The following CPNE5 variants were observed in gnomAD, a reference collection of about 807,000 sequenced individuals.
CPNE5 encodes copine 5.
CPNE5 carries 42 observed loss-of-function variants against 81.1 expected under a neutral mutation model. The ratio of observed to expected loss-of-function variants is 0.52; its 90% CI spans 0.40 to 0.67. CPNE5 has a LOEUF of 0.67. Ranked by LOEUF, CPNE5 falls within the 30% of genes least tolerant of loss-of-function variation. The pLI is 0.00. For synonymous variants in CPNE5, 313 were observed against 321.5 expected, an observed-to-expected ratio of 0.97 and a Z score of 0.28; for missense variants, 612 against 815.5, an observed-to-expected ratio of 0.75 and a Z score of 3.04.
chr6:36,765,234 T>C (rs1257535172), intron 11 of CPNE5, 101 bp downstream of exon 11: 3 of 1,006,976 alleles, frequency 3.0e-6, no homozygotes, highest in Non-Finnish European at 4.3e-6. Flanking sequence ...CCAGAGCCAC[T>C]GCGGGGGGGA....
intron 6 of CPNE5, among the ~76,000 whole-genome samples, chr6:36,797,644 C>T (rs547489735): frequency 3.9e-5 from 6 of 152,222 alleles, no homozygotes; most frequent in Non-Finnish European, 7.3e-5. Context: ...TCCCAGAGCC[C>T]GCTTCAGAGT....
rs1321028052 is a variant in CPNE5, at chr6:36,742,221, C to T, written c.*47G>A. The T allele has an allele frequency of 1.4e-6, 2 of 1,433,616 alleles. No individual in the cohort carries two copies. Among genetic ancestry groups the T allele is most frequent in the Non-Finnish European group, 1.9e-6 (2 of 1,053,184 alleles). The allele number at this position is 1,433,616 out of a possible 1,614,324, so 88.8% of individuals were successfully genotyped here. ...GAGTCTGGGGCCCTGGCCTCCCATT[C>T]ACCTGGCCTCTCCCAGGCCCCAGCC... On this transcript the variant is annotated 3_prime_UTR_variant, in exon 21 of 21. Transcript: ENST00000244751.
chr6:36,753,588 C>T (rs1765079821), intron 13 of CPNE5, among the ~76,000 whole-genome samples: 1 of 152,206 alleles, frequency 6.6e-6, no homozygotes, highest in Non-Finnish European at 1.5e-5. Context: ...TGAAATGTGC[C>T]TCTTTGGACT....
chr6:36,751,761 C>G (rs1452561326), intron 14 of CPNE5, among the ~76,000 whole-genome samples: 3 of 152,020 alleles, frequency 2.0e-5, no homozygotes, highest in African/African-American at 7.3e-5. Context: ...TGCCACTGCA[C>G]TCCAGCCTGA....
chr6:36,774,712 G>T (rs1018513050), intron 10 of CPNE5, among the ~76,000 whole-genome samples: 6 of 151,880 alleles, frequency 4.0e-5, no homozygotes, highest in African/African-American at 1.5e-4. Context: ...GGGGAAAGAG[G>T]TGGGGCGGGT....
intron 1 of CPNE5, among the ~76,000 whole-genome samples, chr6:36,824,745 G>A (rs1037636359): frequency 2.6e-5 from 4 of 152,144 alleles, no homozygotes; most frequent in Non-Finnish European, 5.9e-5. Context: ...TCGGGAGTTC[G>A]AGACCAGCCT....
chr6:36,828,415 T>C lies in CPNE5; in HGVS notation c.96-5317A>G, dbSNP rs576574000. Among the ~76,000 whole-genome samples the C allele has an allele frequency of 2.1e-5, 3 of 143,786 alleles. No homozygotes were observed. The South Asian group carries it at 7.2e-4, about 35-fold the overall frequency. 94.3% of individuals were successfully genotyped at this position (143,786 alleles called of 152,430 possible). On this transcript the variant is annotated intron_variant, in intron 1 of 20. Transcript: ENST00000244751. ...GGGAGCCCGGTCTGACCAGGAGACA[T>C]AGCCTCTGCCTCAGGGAATCCTCAG...
In CPNE5 at chr6:36,746,890, G is replaced by A. The variant is rs528237069; in HGVS notation, c.1019-313C>T. 1.9e-3 allele frequency among the ~76,000 whole-genome samples: 287 copies of A among 152,076 alleles called. No individual in the cohort carries two copies. Among genetic ancestry groups the A allele is most frequent in the African/African-American group, 6.7e-3 (279 of 41,444 alleles). Reference sequence around the variant, plus strand: ...AGTGACTGAGCCTATCCGCCTCAGAGAGATCATGCCTCTCCTCTGCCCAAA... The same window carrying A: ...AGTGACTGAGCCTATCCGCCTCAGAAAGATCATGCCTCTCCTCTGCCCAAA... On this transcript the variant is annotated intron_variant, in intron 15 of 20. Coordinates refer to ENST00000244751, the MANE Select transcript of CPNE5 (RefSeq NM_020939.2). The surrounding 1 kb of genome is among the most constrained non-coding windows in gnomAD (Gnocchi z 4.5).
chr6:36,782,134 AGT>A (rs1362303500), intron 8 of CPNE5, among the ~76,000 whole-genome samples: 1 of 152,204 alleles, frequency 6.6e-6, no homozygotes, highest in Non-Finnish European at 1.5e-5. Flanking sequence ...CTCAGGGGAC[AGT>A]GAGAAAGCCA....
At position 36,746,645 on chromosome 6, in the gene CPNE5, G is replaced by C; in HGVS notation, c.1019-68C>G. 1 of 1,448,648 alleles carries C rather than the reference G, an allele frequency of 6.9e-7. No homozygotes were observed. The highest frequency in any genetic ancestry group is 1.3e-5 in the South Asian group (1 of 78,872). 89.7% of individuals were successfully genotyped at this position (1,448,648 alleles called of 1,614,324 possible). On this transcript the variant is annotated intron_variant, in intron 15 of 20. Coordinates refer to ENST00000244751, the MANE Select transcript of CPNE5 (RefSeq NM_020939.2). This position sits in a 1 kb window ranked among gnomAD's most constrained non-coding sequence, Gnocchi z 4.5. ...CAAGTCACCCCGGGTTCAGAATGAAGAAGGGGGTGTCCAAGGGCACCCCTA... is the reference window on the plus strand; with the variant it reads ...CAAGTCACCCCGGGTTCAGAATGAACAAGGGGGTGTCCAAGGGCACCCCTA...
At chr6:36,818,624 C>T (rs1771769787) in intron 3 of CPNE5, among the ~76,000 whole-genome samples, 1 of 152,132 alleles carries the variant, frequency 6.6e-6, no homozygotes, top group Admixed American at 6.5e-5. Flanking sequence ...TAGGATTTAC[C>T]CTCAGACGCC....
At chr6:36,774,628 GT>G (rs1466924988) in intron 10 of CPNE5, among the ~76,000 whole-genome samples, 1 of 152,240 alleles carries the variant, frequency 6.6e-6, no homozygotes, top group African/African-American at 2.4e-5. Context: ...ACCCATCTGG[GT>G]TTCCCTGGAA....
chr6:36,806,435 C>T (rs2075510794), intron 3 of CPNE5, among the ~76,000 whole-genome samples: 1 of 152,126 alleles, frequency 6.6e-6, no homozygotes, highest in Non-Finnish European at 1.5e-5. Context: ...ACAGACCCCA[C>T]CAGGCAGGCC....
Position 36,765,342 on chromosome 6 carries a change from C to T in CPNE5, c.772G>A (p.Asp258Asn), listed in dbSNP as rs1766465154. The change falls in exon 11 of 21, where the codon GAC becomes AAC. Residue 258 changes from aspartate to asparagine, a missense_variant. Asp to Asn is a conservative substitution (Grantham distance 23). Transcript: ENST00000244751. ...GCCCTCCTGCCTGCTTACCTGCCGT[C>T]CCGATCCCAGTCGTACACCTCCACC... ...IKVEVYDWDR[D>N]GSHDFIGEFT... 1 of 1,614,118 alleles carries T rather than the reference C, an allele frequency of 6.2e-7. No individual in the cohort carries two copies. Among genetic ancestry groups the T allele is most frequent in the Non-Finnish European group, 8.5e-7 (1 of 1,179,970 alleles).
At chr6:36,744,213 G>A (rs1037547032) in intron 19 of CPNE5, 55 bp downstream of exon 19, 77 of 1,390,592 alleles carry the variant, frequency 5.5e-5, no homozygotes, top group Non-Finnish European at 7.3e-5. Flanking sequence ...CTGGGGTGGG[G>A]GCAGGGTTGC....
Position 36,740,849 on chromosome 6 carries a change from A to G in CPNE5, c.*1419T>C. The G allele has an allele frequency of 6.5e-6, 1 of 152,802 alleles. No individual in the cohort carries two copies. Among genetic ancestry groups the G allele is most frequent in the East Asian group, 1.9e-4 (1 of 5,190 alleles). The allele number at this position is 152,802 out of a possible 1,614,324, so 9.5% of individuals were successfully genotyped here. A position where few individuals can be genotyped will look rare whatever the true frequency, so the allele number is the denominator to read the frequency against. ...AGACTGTCTCAGAGACGGGCACAGA[A>G]CCAGACACCGTAGAAACACCACCAC... On this transcript the variant is annotated 3_prime_UTR_variant, in exon 21 of 21. Coordinates refer to ENST00000244751, the MANE Select transcript of CPNE5 (RefSeq NM_020939.2).
intron 1 of CPNE5, among the ~76,000 whole-genome samples, chr6:36,837,090 C>T (rs1773585599): frequency 2.6e-5 from 4 of 152,240 alleles, no homozygotes; most frequent in Admixed American, 2.6e-4. Flanking sequence ...AGAAAGCAAA[C>T]AGGAGGGGCC....
chr6:36,782,594 A>G (rs1374335349), intron 8 of CPNE5, among the ~76,000 whole-genome samples: 2 of 152,020 alleles, frequency 1.3e-5, no homozygotes, highest in African/African-American at 2.4e-5. Context: ...ACCTGAGCTC[A>G]GGAGTTTGAG....
intron 3 of CPNE5, among the ~76,000 whole-genome samples, chr6:36,801,283 T>C (rs1489797305): frequency 6.6e-6 from 1 of 152,190 alleles, no homozygotes; most frequent in Non-Finnish European, 1.5e-5. Flanking sequence ...GTGGAGGGCC[T>C]CACTCCAGAG....
Sources: allele counts gnomAD v4.1 joint callset (sites outside exome capture counted in the v4.1 genomes callset), GRCh38; gene constraint gnomAD v4.1.1; non-coding constraint Gnocchi (gnomAD v3.1); transcripts MANE v1.5; gene names NCBI Gene and HGNC (gene_info 2026-07-23, HGNC 2026-07-21).